GREB1L: variants seen among roughly 807,000 people sequenced by gnomAD.
GREB1L encodes the protein GREB1 like retinoic acid receptor coactivator, also known as GREB1-like protein.
GREB1L carries 17 observed loss-of-function variants against 200.8 expected under a neutral mutation model. That is an observed-to-expected ratio of 0.08 (90% CI 0.06 to 0.13). GREB1L has a LOEUF of 0.13. Among genes scored for constraint, GREB1L ranks in the 10% least tolerant of loss-of-function variants. The pLI is 1.00. For missense variants in GREB1L, 1,657 were observed against 2,367.7 expected (o/e 0.70, Z 6.23); for synonymous variants, 789 against 893.0 (o/e 0.88, Z 2.08).
intron 15 of GREB1L, among the ~76,000 whole-genome samples, chr18:21,464,969 A>G (rs1042989831): frequency 6.6e-6 from 1 of 152,188 alleles, no homozygotes; most frequent in Admixed American, 6.5e-5. Context: ...AAGTATAATA[A>G]TTCATTTATT....
intron 32 of GREB1L, among the ~76,000 whole-genome samples, chr18:21,522,278 C>A (rs898378689): frequency 1.3e-5 from 2 of 151,948 alleles, no homozygotes; most frequent in African/African-American, 2.4e-5. Context: ...CGAGACCATC[C>A]TGGCCAACAT....
intron 25 of GREB1L, 44 bp from the exon 26 acceptor site, chr18:21,508,072 CTG>C (rs143294187): frequency 0.032 from 49,742 of 1,531,650 alleles, 962 homozygotes; most frequent in Non-Finnish European, 0.039. Flanking sequence ...AGTTTGGAAA[CTG>C]TGGGCTTACT....
intron 1 of GREB1L, among the ~76,000 whole-genome samples, chr18:21,297,882 A>T (rs1043323328): frequency 1.3e-5 from 2 of 151,958 alleles, no homozygotes; most frequent in African/African-American, 4.8e-5. Flanking sequence ...CTCACTCTGC[A>T]TGACCCCCTA....
chr18:21,261,166 T>C (rs1185584717), intron 1 of GREB1L, among the ~76,000 whole-genome samples: 1 of 152,022 alleles, frequency 6.6e-6, no homozygotes, highest in Non-Finnish European at 1.5e-5. Context: ...TATGTAAATA[T>C]TTAGACTATA....
In GREB1L at chr18:21,525,174, A is replaced by C. The variant is rs2037664291; in HGVS notation, c.*2353A>C. The C allele has an allele frequency of 6.6e-6, 1 of 152,124 alleles. No homozygotes were observed. Among genetic ancestry groups the C allele is most frequent in the African/African-American group, 2.4e-5 (1 of 41,450 alleles). The allele number at this position is 152,124 out of a possible 1,614,324, so 9.4% of individuals were successfully genotyped here. On this transcript the variant is annotated 3_prime_UTR_variant, in exon 33 of 33. Coordinates refer to ENST00000424526, the MANE Select transcript of GREB1L (RefSeq NM_001142966.3). ...TCACACAGGTTAATACTGAATGTAA[A>C]CGAAAAACTAGAAGACAATTGTTAT...
intron 1 of GREB1L, among the ~76,000 whole-genome samples, chr18:21,251,204 G>C (rs2037697698): frequency 6.6e-6 from 1 of 152,054 alleles, no homozygotes. Flanking sequence ...TTAAAAATTT[G>C]AGGGCTGTCT....
chr18:21,371,667 G>T (rs1598707959), intron 2 of GREB1L, among the ~76,000 whole-genome samples: 1 of 150,888 alleles, frequency 6.6e-6, no homozygotes, highest in African/African-American at 2.4e-5. Flanking sequence ...GCCTGTAGTC[G>T]CAGCTACTCG....
At chr18:21,381,069 C>G (rs553137449) in intron 2 of GREB1L, among the ~76,000 whole-genome samples, 8 of 152,144 alleles carry the variant, frequency 5.3e-5, no homozygotes, top group Admixed American at 1.3e-4. Context: ...AGTGAAACAC[C>G]GTCTCTACTA....
At chr18:21,340,260 A>T (rs1232225425) in intron 1 of GREB1L, among the ~76,000 whole-genome samples, 1 of 152,026 alleles carries the variant, frequency 6.6e-6, no homozygotes, top group Non-Finnish European at 1.5e-5. Flanking sequence ...TACTAAAAAT[A>T]TAAAAAAAAA....
At chr18:21,485,849 G>C in intron 18 of GREB1L, 96 bp downstream of exon 18, 3 of 1,215,818 alleles carry the variant, frequency 2.5e-6, no homozygotes, top group Non-Finnish European at 3.4e-6. Flanking sequence ...CGGGGTGTTT[G>C]ATGGAGCCCT....
At chr18:21,486,293 G>A (rs1009530168) in intron 18 of GREB1L, among the ~76,000 whole-genome samples, 149 of 151,522 alleles carry the variant, frequency 9.8e-4, no homozygotes, top group African/African-American at 3.2e-3. Context: ...GGTGGAGCTT[G>A]CAGTGAGCCG....
intron 2 of GREB1L, among the ~76,000 whole-genome samples, chr18:21,369,200 T>G (rs1165651171): frequency 6.6e-6 from 1 of 152,196 alleles, no homozygotes; most frequent in Non-Finnish European, 1.5e-5. Flanking sequence ...CCCAGAAGTT[T>G]GTTTTCGGAA....
chr18:21,323,578 A>G (rs544652822), intron 1 of GREB1L, among the ~76,000 whole-genome samples: 2 of 152,248 alleles, frequency 1.3e-5, no homozygotes, highest in South Asian at 2.1e-4. Context: ...GTTTTCTTCA[A>G]TTAAATAATC....
At chr18:21,378,655 G>A (rs923684340) in intron 2 of GREB1L, among the ~76,000 whole-genome samples, 4 of 152,066 alleles carry the variant, frequency 2.6e-5, no homozygotes, top group Non-Finnish European at 5.9e-5. Flanking sequence ...GATTACAGGC[G>A]TGAGCCACCG....
At chr18:21,422,236 C>T (rs1052893765) in intron 7 of GREB1L, among the ~76,000 whole-genome samples, 7 of 152,266 alleles carry the variant, frequency 4.6e-5, no homozygotes, top group South Asian at 2.1e-4. Context: ...GGTTCAAATT[C>T]GTGTCTGAGC....
intron 1 of GREB1L, among the ~76,000 whole-genome samples, chr18:21,271,342 T>C (rs2038074796): frequency 6.6e-6 from 1 of 152,048 alleles, no homozygotes; most frequent in African/African-American, 2.4e-5. Context: ...TGTATTGTCA[T>C]GTTAGTTCAG....
chr18:21,387,273 T>C (rs2040581607), intron 4 of GREB1L, among the ~76,000 whole-genome samples: 1 of 152,200 alleles, frequency 6.6e-6, no homozygotes, highest in Non-Finnish European at 1.5e-5. Flanking sequence ...AACCTTCAAG[T>C]TGGAGATAAT....
intron 1 of GREB1L, among the ~76,000 whole-genome samples, chr18:21,334,807 T>C (rs1054398339): frequency 3.3e-5 from 5 of 152,142 alleles, no homozygotes; most frequent in Non-Finnish European, 5.9e-5. Flanking sequence ...ATTATCCTTT[T>C]GTGCTCTCTT....
At position 21,246,558 on chromosome 18, in the gene GREB1L, G is replaced by C. The variant is rs2037606319; in HGVS notation, c.-120+4165G>C. Among the ~76,000 whole-genome samples, 3 of 152,146 alleles carry C rather than the reference G, an allele frequency of 2.0e-5. No homozygotes were observed. The South Asian group carries it at 6.2e-4, about 32-fold the overall frequency. On this transcript the variant is annotated intron_variant, in intron 1 of 32. Transcript: ENST00000424526. Reference sequence around the variant, plus strand: ...ATTGCTATAGTTTTCCAAACTGAGTGATGGAAATTTCATTACCTCAGTCAT... The same window carrying C: ...ATTGCTATAGTTTTCCAAACTGAGTCATGGAAATTTCATTACCTCAGTCAT...
Sources: gnomAD v4.1 joint callset for allele counts (sites outside exome capture counted in the v4.1 genomes callset) on GRCh38, gnomAD v4.1.1 for gene constraint, MANE v1.5 for transcripts, NCBI Gene and HGNC (gene_info 2026-07-23, HGNC 2026-07-21) for gene names.